The following RASAL2 variants were observed in gnomAD, a reference collection of about 807,000 sequenced individuals.
RASAL2 encodes ras GTPase-activating protein nGAP.
Under a neutral mutation model 128.9 loss-of-function variants are expected in RASAL2, and 58 were observed. That is an observed-to-expected ratio of 0.45 (90% CI 0.36 to 0.56). The LOEUF is 0.56. Ranked by LOEUF, RASAL2 falls within the 20% of genes least tolerant of loss-of-function variation. The pLI, the probability that RASAL2 is intolerant of heterozygous loss-of-function variation, is 0.00. For synonymous variants in RASAL2, 561 were observed against 580.8 expected, an observed-to-expected ratio of 0.97 and a Z score of 0.49; for missense variants, 1,360 against 1,601.6, an observed-to-expected ratio of 0.85 and a Z score of 2.57.
rs1658572080 is a variant in RASAL2, at chr1:178,094,188, G to C, written c.-305G>C. ...TGGGAGGGCGAGCCTCCCCTCCCGG[G>C]TTCTTCTGCGTCCTCTCCCGGGAGG... On this transcript the variant is annotated 5_prime_UTR_variant, in exon 1 of 18. Transcript: ENST00000367649. 2.5e-6 allele frequency: 1 copy of C among 404,820 alleles called. No individual in the cohort carries two copies. Among genetic ancestry groups the C allele is most frequent in the South Asian group, 4.4e-5 (1 of 22,646 alleles). The allele number at this position is 404,820 out of a possible 1,614,324, so 25.1% of individuals were successfully genotyped here.
intron 1 of RASAL2, among the ~76,000 whole-genome samples, chr1:178,214,856 C>T (rs1663373751): frequency 6.6e-6 from 1 of 152,016 alleles, no homozygotes; most frequent in African/African-American, 2.4e-5. Context: ...CCATGCCTGG[C>T]CCACCTGGAC....
intron 4 of RASAL2, among the ~76,000 whole-genome samples, chr1:178,420,004 C>T (rs1675036867): frequency 6.6e-6 from 1 of 152,184 alleles, no homozygotes; most frequent in South Asian, 2.1e-4. Flanking sequence ...TTTTACATAT[C>T]TTAGAACAAA....
At chr1:178,394,375 A>G (rs1027866123) in intron 4 of RASAL2, among the ~76,000 whole-genome samples, 8 of 152,354 alleles carry the variant, frequency 5.3e-5, no homozygotes, top group African/African-American at 1.9e-4. Flanking sequence ...ATCCAGGTAC[A>G]TACTTAAGTT....
chr1:178,417,758 T>TAAAAA (rs35109719), intron 4 of RASAL2, among the ~76,000 whole-genome samples: 2 of 67,876 alleles, frequency 2.9e-5, no homozygotes, highest in African/African-American at 9.5e-5. Context: ...AAACTCCGTC[T>TAAAAA]AAAAAAAAAA....
In RASAL2 at chr1:178,110,621, C is replaced by G. The variant is rs145550427; in HGVS notation, c.202+15927C>G. Among the ~76,000 whole-genome samples, 48 of 110,164 alleles carry G rather than the reference C, an allele frequency of 4.4e-4. No homozygotes were observed. In the South Asian group the frequency reaches 4.5e-3, roughly 10 times the overall value. 72.3% of individuals were successfully genotyped at this position (110,164 alleles called of 152,430 possible). On this transcript the variant is annotated intron_variant, in intron 1 of 17. Transcript: ENST00000367649. ...ATACTGTATATATACACTATATACA[C>G]TATATATAGTGTATACATATATATA...
rs1290932668 is a variant in RASAL2 at position 178,390,294 on chromosome 1, A to T, written c.564+88A>T. On this transcript the variant is annotated intron_variant, in intron 4 of 17. Transcript: ENST00000367649. ...TAGGGGCAGCTACTAAGGAATCCAA[A>T]CATTCTTCTCTTCAAGAATTTCTTT... 5.8e-6 allele frequency: 5 copies of T among 862,032 alleles called. No homozygotes were observed. In the Admixed American group the frequency reaches 8.1e-5, roughly 14 times the overall value. 53.4% of individuals were successfully genotyped at this position (862,032 alleles called of 1,614,324 possible).
intron 3 of RASAL2, among the ~76,000 whole-genome samples, chr1:178,306,146 T>C (rs189356020): frequency 1.1e-3 from 173 of 152,268 alleles, no homozygotes; most frequent in African/African-American, 3.9e-3. Flanking sequence ...GAATATGCGG[T>C]GTTTGGTTTT....
intron 4 of RASAL2, among the ~76,000 whole-genome samples, chr1:178,398,466 A>G (rs1673392640): frequency 6.6e-6 from 1 of 152,132 alleles, no homozygotes; most frequent in African/African-American, 2.4e-5. Flanking sequence ...AAGATGTCCT[A>G]TATGTGGGTT....
At chr1:178,447,352 G>C (rs1677077269) in intron 9 of RASAL2, among the ~76,000 whole-genome samples, 1 of 151,326 alleles carries the variant, frequency 6.6e-6, no homozygotes, top group African/African-American at 2.4e-5. Context: ...TAAAGGTGAA[G>C]AAAGCCTACT....
In RASAL2 at chr1:178,466,855, TGA is replaced by T. The variant is rs569529289; in HGVS notation, c.3591-475_3591-474del. 1.6e-4 allele frequency among the ~76,000 whole-genome samples: 25 copies of T among 152,326 alleles called. 1 individual carries two copies. The South Asian group carries it at 5.0e-3, about 30-fold the overall frequency. On this transcript the variant is annotated intron_variant, in intron 16 of 17. Coordinates refer to ENST00000367649, the MANE Select transcript of RASAL2 (RefSeq NM_170692.4). Reference sequence around the variant, plus strand: ...GTGTGGAGGTAATTGACAGTCTTACTGAGAGGTGTTTGGGTAGACTGGCAGAA... The same window carrying T: ...GTGTGGAGGTAATTGACAGTCTTACTGAGGTGTTTGGGTAGACTGGCAGAA...
chr1:178,290,136 C>T (rs576647919), intron 2 of RASAL2, among the ~76,000 whole-genome samples: 2 of 152,318 alleles, frequency 1.3e-5, no homozygotes, highest in East Asian at 3.9e-4. Flanking sequence ...TCATCTCCTA[C>T]TGGAATATAA....
At chr1:178,101,069 T>C (rs1027058531) in intron 1 of RASAL2, among the ~76,000 whole-genome samples, 10 of 152,172 alleles carry the variant, frequency 6.6e-5, no homozygotes, top group African/African-American at 2.2e-4. Context: ...GAAAACCCTT[T>C]TGCAAATTTC....
chr1:178,337,378 A>G lies in RASAL2; in HGVS notation c.457+37260A>G, dbSNP rs1669638619. Among the ~76,000 whole-genome samples, 5 of 152,354 alleles carry G rather than the reference A, an allele frequency of 3.3e-5. No individual in the cohort carries two copies. The South Asian group carries it at 1.0e-3, about 32-fold the overall frequency. ...AATAAAGTTTTAATGGTATTTCTGA[A>G]TAAGTGGGTGACTTTGGTGTTTGTC... On this transcript the variant is annotated intron_variant, in intron 3 of 17. Transcript: ENST00000367649.
At chr1:178,444,638 G>A (rs1428906430) in intron 8 of RASAL2, among the ~76,000 whole-genome samples, 1 of 152,152 alleles carries the variant, frequency 6.6e-6, no homozygotes, top group African/African-American at 2.4e-5. Context: ...TGAAGCAGCT[G>A]TTTCTTTGCA....
rs1281596786 is a variant in RASAL2 at position 178,458,397 on chromosome 1, A to G, written c.3105A>G (p.Leu1035=). ...APPSLPHSAS[L]RSTGSMSVVS... ...CATCCCTGCCACACAGTGCTTCTTTACGTAGCACCGGGAGCATGTCAGTGG... is the reference window on the plus strand; with the variant it reads ...CATCCCTGCCACACAGTGCTTCTTTGCGTAGCACCGGGAGCATGTCAGTGG... The change falls in exon 14 of 18, where the codon TTA becomes TTG. Residue 1035 remains leucine (L), a synonymous_variant. Transcript: ENST00000367649. 4 of 1,614,218 alleles carry G rather than the reference A, an allele frequency of 2.5e-6. No individual in the cohort carries two copies. The highest frequency in any genetic ancestry group is 1.7e-5 in the Admixed American group (1 of 60,024).
intron 4 of RASAL2, among the ~76,000 whole-genome samples, chr1:178,398,265 G>C (rs932052459): frequency 4.6e-5 from 7 of 151,922 alleles, no homozygotes; most frequent in African/African-American, 1.7e-4. Flanking sequence ...AGTTTAAAGA[G>C]AAAAAAGCTA....
intron 2 of RASAL2, among the ~76,000 whole-genome samples, chr1:178,296,974 AT>A (rs71108042): frequency 1.3e-4 from 19 of 147,790 alleles, no homozygotes; most frequent in Admixed American, 2.0e-4. Context: ...CACCCAGCCA[AT>A]TTTTTTTTTT....
intron 1 of RASAL2, among the ~76,000 whole-genome samples, chr1:178,171,094 G>T (rs1294311137): frequency 6.6e-6 from 1 of 151,718 alleles, no homozygotes; most frequent in East Asian, 1.9e-4. Flanking sequence ...ATTCCACGTG[G>T]GTTTTCCTTG....
chr1:178,102,237 T>C (rs1658926735), intron 1 of RASAL2, among the ~76,000 whole-genome samples: 1 of 152,220 alleles, frequency 6.6e-6, no homozygotes. Context: ...TAATTTGTGC[T>C]TAACATAAAG....
Sources: allele counts gnomAD v4.1 joint callset (sites outside exome capture counted in the v4.1 genomes callset), GRCh38; gene constraint gnomAD v4.1.1; transcripts MANE v1.5; gene names NCBI Gene and HGNC (gene_info 2026-07-23, HGNC 2026-07-21).